HDAC11: variants seen among roughly 807,000 people sequenced by gnomAD.
HDAC11 encodes the protein histone deacetylase 11.
In HDAC11, 23 loss-of-function variants were observed where a neutral mutation model predicts 41.1. The observed-to-expected ratio is 0.56, with a 90% CI of 0.40 to 0.79. The LOEUF is 0.79. Among genes scored for constraint, HDAC11 ranks in the 30% least tolerant of loss-of-function variants. The pLI is 0.00. For synonymous variants in HDAC11, 187 were observed against 186.6 expected (o/e 1.00, Z -0.02); for missense variants, 402 against 477.3 (o/e 0.84, Z 1.47).
At position 13,480,761 on chromosome 3, in the gene HDAC11, C is replaced by G; in HGVS notation, c.2+412C>G. ...GCGGGGTCAGGGGATCCCCGCCCCC[C>G]GCCCTGGCTCAGGTTGGGTCCCGAC... On this transcript the variant is annotated intron_variant, in intron 1 of 9. Transcript: ENST00000295757. This position sits in a 1 kb window ranked among gnomAD's most constrained non-coding sequence, Gnocchi z 4.6. The G allele has an allele frequency of 2.1e-6, 1 of 470,612 alleles. No individual in the cohort carries two copies. The highest frequency in any genetic ancestry group is 4.4e-6 in the Non-Finnish European group (1 of 228,960). 29.2% of individuals were successfully genotyped at this position (470,612 alleles called of 1,614,324 possible).
At chr3:13,496,632 G>C (rs1324895210) in intron 3 of HDAC11, 104 bp from the exon 4 acceptor site, 2 of 693,468 alleles carry the variant, frequency 2.9e-6, no homozygotes, top group Non-Finnish European at 5.1e-6. Context: ...TTCATCCAAG[G>C]GCACCTGGAA....
intron 3 of HDAC11, 21 bp downstream of exon 3, chr3:13,483,585 G>C: frequency 6.3e-7 from 1 of 1,595,582 alleles, no homozygotes; most frequent in Admixed American, 1.7e-5. Flanking sequence ...TCGGGCCTGG[G>C]GGGCTGCGGG....
intron 3 of HDAC11, among the ~76,000 whole-genome samples, chr3:13,495,870 C>G (rs750190823): frequency 6.6e-6 from 1 of 152,226 alleles, no homozygotes; most frequent in South Asian, 2.1e-4. Context: ...AACCCCCACC[C>G]AGTTCTCCTC....
At position 13,496,806 on chromosome 3, in the gene HDAC11, G is replaced by A. The variant is rs779053919; in HGVS notation, c.323G>A (p.Arg108Lys). ...VIFLPNFLVQRKVLRPLRTQT... is the reference protein window; with the variant it reads ...VIFLPNFLVQKKVLRPLRTQT... ...TTCCTCCCCAACTTCCTTGTGCAGA[G>A]GAAGGTGCTGAGGCCCCTTCGGACC... Residue 108 changes from arginine to lysine, a missense_variant, in exon 4 of 10, where the codon AGG becomes AAG. Coordinates refer to ENST00000295757, the MANE Select transcript of HDAC11 (RefSeq NM_024827.4). 1.2e-6 allele frequency: 2 copies of A among 1,607,380 alleles called. No individual in the cohort carries two copies. The highest frequency in any genetic ancestry group is 8.5e-7 in the Non-Finnish European group (1 of 1,176,934).
Position 13,480,328 on chromosome 3 carries a change from T to TTGGGAGGGCCGGCCCCGGGA in HDAC11, c.-17_2+1dup. On this transcript the variant is annotated 5_prime_UTR_variant, in exon 1 of 10. In the 5' UTR this introduces an upstream ATG that the reference lacks. Transcript: ENST00000295757. The surrounding 1 kb of genome is among the most constrained non-coding windows in gnomAD (Gnocchi z 4.6). ...CCCGGTCGCGGAGCTGCGGCCAGCT[T>TTGGGAGGGCCGGCCCCGGGA]TGGGAGGGCCGGCCCCGGGATGTGA... 1 of 1,227,454 alleles carries TTGGGAGGGCCGGCCCCGGGA rather than the reference T, an allele frequency of 8.1e-7. No homozygotes were observed. 76.0% of individuals were successfully genotyped at this position (1,227,454 alleles called of 1,614,324 possible). A position where few individuals can be genotyped will look rare whatever the true frequency, so the allele number is the denominator to read the frequency against.
chr3:13,501,411 G>T (rs1313882320), intron 6 of HDAC11, among the ~76,000 whole-genome samples: 2 of 152,198 alleles, frequency 1.3e-5, no homozygotes, highest in African/African-American at 4.8e-5. Context: ...GCCATTAGGA[G>T]AAGGGGGAAG....
rs376117547 is a variant in HDAC11, at chr3:13,502,468, C to G, written c.553-416C>G. 96 of 190,064 alleles carry G rather than the reference C, an allele frequency of 5.1e-4. No homozygotes were observed. Among genetic ancestry groups the G allele is most frequent in the African/African-American group, 2.2e-3 (93 of 42,684 alleles). The allele number at this position is 190,064 out of a possible 1,614,324, so 11.8% of individuals were successfully genotyped here. ...GGGACCCAGTGGGCTCCGGAAGGCA[C>G]CCCCCTGCACCATTACTGCTGTGGC... is the stretch of plus-strand genomic sequence containing the variant. On this transcript the variant is annotated intron_variant, in intron 7 of 9. Coordinates refer to ENST00000295757, the MANE Select transcript of HDAC11 (RefSeq NM_024827.4). The surrounding 1 kb of genome is among the most constrained non-coding windows in gnomAD (Gnocchi z 4.1).
At chr3:13,494,357 G>A (rs554229794) in intron 3 of HDAC11, among the ~76,000 whole-genome samples, 1 of 152,344 alleles carries the variant, frequency 6.6e-6, no homozygotes, top group South Asian at 2.1e-4. Flanking sequence ...GCCGGGCAGT[G>A]GGATGAGTGT....
chr3:13,505,151 G>A lies in HDAC11; in HGVS notation c.*468G>A, dbSNP rs1702561313. ...GATTTGCTGCCCTCTTTGCCCCAGA[G>A]CTGAAGAGCTATAGGCACTGGTGTG... On this transcript the variant is annotated 3_prime_UTR_variant, in exon 10 of 10. Transcript: ENST00000295757. 9.0e-6 allele frequency: 2 copies of A among 221,236 alleles called. No homozygotes were observed. Among genetic ancestry groups the A allele is most frequent in the Non-Finnish European group, 1.8e-5 (2 of 109,548 alleles). 13.7% of individuals were successfully genotyped at this position (221,236 alleles called of 1,614,324 possible). A position where few individuals can be genotyped will look rare whatever the true frequency, so the allele number is the denominator to read the frequency against.
At chr3:13,484,660 G>A (rs955407740) in intron 3 of HDAC11, among the ~76,000 whole-genome samples, 1 of 152,162 alleles carries the variant, frequency 6.6e-6, no homozygotes, top group African/African-American at 2.4e-5. Context: ...CGAAGTAGCT[G>A]GAATTATAGG....
chr3:13,480,340 GC>G lies in HDAC11; in HGVS notation c.-4del, dbSNP rs1287633988. On this transcript the variant is annotated 5_prime_UTR_variant, in exon 1 of 10. Transcript: ENST00000295757. This position sits in a 1 kb window ranked among gnomAD's most constrained non-coding sequence, Gnocchi z 4.6. The stretch of plus-strand genomic sequence containing the variant: ...GCTGCGGCCAGCTTTGGGAGGGCCG[GC>G]CCCGGGATGTGAGTGCCGCGGGGCG... 1 of 1,222,802 alleles carries G rather than the reference GC, an allele frequency of 8.2e-7. No individual in the cohort carries two copies. The highest frequency in any genetic ancestry group is 4.0e-5 in the South Asian group (1 of 25,202). 75.7% of individuals were successfully genotyped at this position (1,222,802 alleles called of 1,614,324 possible). A position where few individuals can be genotyped will look rare whatever the true frequency, so the allele number is the denominator to read the frequency against.
At chr3:13,500,599 A>G in intron 5 of HDAC11, 114 bp from the exon 6 acceptor site, 1 of 844,212 alleles carries the variant, frequency 1.2e-6, no homozygotes, top group Non-Finnish European at 1.9e-6. Flanking sequence ...TCCGAGGCAC[A>G]GGTTCCTGAG....
chr3:13,486,569 GTGT>G (rs1404925358), intron 3 of HDAC11, among the ~76,000 whole-genome samples: 60 of 123,550 alleles, frequency 4.9e-4, no homozygotes, highest in African/African-American at 2.2e-3. Context: ...TCATGTAGAG[GTGT>G]TTTTTTTTTT....
intron 6 of HDAC11, chr3:13,501,666 C>G (rs1187661994): frequency 1.4e-6 from 1 of 713,668 alleles, no homozygotes; most frequent in Admixed American, 2.0e-5. Flanking sequence ...GGAGCCTTCC[C>G]TGACCACCTC....
At chr3:13,495,020 G>C (rs866717512) in intron 3 of HDAC11, among the ~76,000 whole-genome samples, 1 of 151,756 alleles carries the variant, frequency 6.6e-6, no homozygotes, top group Non-Finnish European at 1.5e-5. Context: ...GAACATGCTC[G>C]TGTTTCTCCC....
chr3:13,489,782 G>C (rs865845165), intron 3 of HDAC11, among the ~76,000 whole-genome samples: 1 of 152,096 alleles, frequency 6.6e-6, no homozygotes, highest in Non-Finnish European at 1.5e-5. Context: ...TGGCTAGGCT[G>C]GTCCTGAATT....
At position 13,504,469 on chromosome 3, in the gene HDAC11, G is replaced by A; in HGVS notation, c.830G>A (p.Gly277Asp). The change falls in exon 10 of 10, where the codon GGC becomes GAC. Residue 277 changes from glycine (G) to aspartate (D), a missense_variant and splice_region_variant. By Grantham distance (94) the Gly-to-Asp change is moderately conservative. Coordinates refer to ENST00000295757, the MANE Select transcript of HDAC11 (RefSeq NM_024827.4). ...RLGGLSISPAGIVKRDELVFR... is the reference protein window; with the variant it reads ...RLGGLSISPADIVKRDELVFR... ...GTCACCCTCCTCTTCCCCTAACAGGGCATCGTGAAGCGGGATGAGCTGGTG... is the reference window on the plus strand; with the variant it reads ...GTCACCCTCCTCTTCCCCTAACAGGACATCGTGAAGCGGGATGAGCTGGTG... 1 of 1,613,088 alleles carries A rather than the reference G, an allele frequency of 6.2e-7. No homozygotes were observed. Among genetic ancestry groups the A allele is most frequent in the Non-Finnish European group, 8.5e-7 (1 of 1,179,990 alleles).
Position 13,505,176 on chromosome 3 carries a change from G to A in HDAC11, c.*493G>A. 5.4e-6 allele frequency: 1 copy of A among 184,660 alleles called. No homozygotes were observed. Among genetic ancestry groups the A allele is most frequent in the Non-Finnish European group, 1.2e-5 (1 of 86,678 alleles). 11.4% of individuals were successfully genotyped at this position (184,660 alleles called of 1,614,324 possible). The stretch of plus-strand genomic sequence containing the variant: ...GCTGAAGAGCTATAGGCACTGGTGT[G>A]GATGGCCCAGGAGGTGCTGGAGCTA... On this transcript the variant is annotated 3_prime_UTR_variant, in exon 10 of 10. Coordinates refer to ENST00000295757, the MANE Select transcript of HDAC11 (RefSeq NM_024827.4).
intron 3 of HDAC11, among the ~76,000 whole-genome samples, chr3:13,487,005 C>T (rs546563099): frequency 1.9e-4 from 29 of 152,202 alleles, no homozygotes; most frequent in African/African-American, 6.3e-4. Context: ...CATTGTGGCT[C>T]GTACACGGTG....
Sources: allele counts gnomAD v4.1 joint callset (sites outside exome capture counted in the v4.1 genomes callset), GRCh38; gene constraint gnomAD v4.1.1; non-coding constraint Gnocchi (gnomAD v3.1); transcripts MANE v1.5; gene names NCBI Gene and HGNC (gene_info 2026-07-23, HGNC 2026-07-21).